The following MGAT4C variants were observed in gnomAD, a reference collection of about 807,000 sequenced individuals.
MGAT4C encodes the protein MGAT4 family member C, also known as alpha-1,3-mannosyl-glycoprotein 4-beta-N-acetylglucosaminyltransferase C.
A neutral mutation model predicts 40.1 loss-of-function variants in MGAT4C; 19 were observed. The observed-to-expected ratio is 0.47, with a 90% CI of 0.33 to 0.70. The LOEUF is 0.70. MGAT4C is among the 30% of genes least tolerant of loss of function. The pLI is 0.02. For synonymous variants in MGAT4C, 181 were observed against 187.1 expected, an observed-to-expected ratio of 0.97 and a Z score of 0.27; for missense variants, 491 against 563.2, an observed-to-expected ratio of 0.87 and a Z score of 1.30.
intron 2 of MGAT4C, among the ~76,000 whole-genome samples, chr12:86,586,455 G>A (rs1415540210): frequency 3.4e-5 from 2 of 58,142 alleles, no homozygotes; most frequent in African/African-American, 9.0e-5. Flanking sequence ...TAGTCCTTTG[G>A]GTATATATCC....
rs1883277735 is a variant in MGAT4C, at chr12:85,964,915, C to T, written c.*14374G>A. The T allele has an allele frequency of 6.6e-6, 1 of 152,062 alleles. No homozygotes were observed. Among genetic ancestry groups the T allele is most frequent in the African/African-American group, 2.4e-5 (1 of 41,410 alleles). The allele number at this position is 152,062 out of a possible 1,614,324, so 9.4% of individuals were successfully genotyped here. On this transcript the variant is annotated 3_prime_UTR_variant, in exon 5 of 5. Coordinates refer to ENST00000611864, the MANE Select transcript of MGAT4C (RefSeq NM_001351288.2). The stretch of plus-strand genomic sequence containing the variant: ...CTCACTTTTATGTAAGATAGTGAGG[C>T]CCCAGAGAGCCCTCGAGAAATGCAA...
At chr12:86,722,015 G>A (rs185446695) in intron 2 of MGAT4C, among the ~76,000 whole-genome samples, 4 of 151,980 alleles carry the variant, frequency 2.6e-5, no homozygotes, top group Admixed American at 1.3e-4. Context: ...CATATGTCAA[G>A]CTCTTACATC....
chr12:86,174,134 C>CAA (rs1214845842), intron 1 of MGAT4C, among the ~76,000 whole-genome samples: 1 of 150,682 alleles, frequency 6.6e-6, no homozygotes, highest in Non-Finnish European at 1.5e-5. Flanking sequence ...TACACACACA[C>CAA]ACACACACAC....
chr12:86,524,605 AT>A (rs1356641052), intron 2 of MGAT4C, among the ~76,000 whole-genome samples: 1 of 152,010 alleles, frequency 6.6e-6, no homozygotes, highest in Non-Finnish European at 1.5e-5. Context: ...GAATTTGAAT[AT>A]TGGTCTCTCT....
intron 2 of MGAT4C, among the ~76,000 whole-genome samples, chr12:86,029,792 T>C (rs1029712073): frequency 1.3e-5 from 2 of 151,850 alleles, no homozygotes; most frequent in Admixed American, 6.6e-5. Flanking sequence ...TTTCTCTTTA[T>C]TCGTTGATGA....
At chr12:86,471,612 A>G (rs986789523) in intron 2 of MGAT4C, among the ~76,000 whole-genome samples, 5 of 152,124 alleles carry the variant, frequency 3.3e-5, no homozygotes, top group African/African-American at 1.2e-4. Context: ...GTACTAGCCC[A>G]TAAGTTCTAG....
intron 1 of MGAT4C, among the ~76,000 whole-genome samples, chr12:86,751,308 G>A (rs894887469): frequency 1.3e-5 from 2 of 151,908 alleles, no homozygotes; most frequent in African/African-American, 4.8e-5. Context: ...AAATTTTCTT[G>A]TACTCTACAT....
intron 1 of MGAT4C, among the ~76,000 whole-genome samples, chr12:86,105,564 C>T (rs1243016484): frequency 2.0e-5 from 3 of 152,058 alleles, no homozygotes; most frequent in Non-Finnish European, 4.4e-5. Context: ...GAGGGAAGAA[C>T]AGAACTGTAA....
chr12:86,002,015 T>G (rs541503779), intron 2 of MGAT4C: 1 of 152,342 alleles, frequency 6.6e-6, no homozygotes, highest in South Asian at 2.1e-4. Context: ...TGCTCCTCCT[T>G]CATCCTTTTA....
rs937559894 is a variant in MGAT4C at position 85,962,792 on chromosome 12, A to G, written c.*16497T>C. On this transcript the variant is annotated 3_prime_UTR_variant, in exon 5 of 5. Coordinates refer to ENST00000611864, the MANE Select transcript of MGAT4C (RefSeq NM_001351288.2). ...ATATAAATGAAATATTTTATCTGTTATAAAGACCTTTATTTTTGTTCCACT... is the reference window on the plus strand; with the variant it reads ...ATATAAATGAAATATTTTATCTGTTGTAAAGACCTTTATTTTTGTTCCACT... The G allele has an allele frequency of 6.6e-6, 1 of 151,500 alleles. No homozygotes were observed. Among genetic ancestry groups the G allele is most frequent in the African/African-American group, 2.4e-5 (1 of 41,432 alleles). The allele number at this position is 151,500 out of a possible 1,614,324, so 9.4% of individuals were successfully genotyped here.
intron 1 of MGAT4C, among the ~76,000 whole-genome samples, chr12:86,813,298 T>A (rs1952511716): frequency 6.6e-6 from 1 of 150,914 alleles, no homozygotes; most frequent in Non-Finnish European, 1.5e-5. Flanking sequence ...TCAAGTCTTG[T>A]TCAAGAATCT....
intron 1 of MGAT4C, among the ~76,000 whole-genome samples, chr12:86,748,522 G>A (rs767472096): frequency 6.6e-6 from 1 of 151,650 alleles, no homozygotes; most frequent in Non-Finnish European, 1.5e-5. Flanking sequence ...TACTACATGA[G>A]GTCAAGAGCC....
At chr12:85,983,759 G>A (rs1480152519) in intron 3 of MGAT4C, 89 bp from the exon 4 acceptor site, 10 of 1,073,362 alleles carry the variant, frequency 9.3e-6, no homozygotes, top group Non-Finnish European at 1.3e-5. Context: ...ATAAATGTAC[G>A]ACTACAATAT....
intron 1 of MGAT4C, among the ~76,000 whole-genome samples, chr12:86,744,469 C>T (rs1593168520): frequency 6.6e-6 from 1 of 151,626 alleles, no homozygotes; most frequent in East Asian, 2.0e-4. Context: ...ATCTCTCCTC[C>T]TTCACTCCAT....
intron 1 of MGAT4C, among the ~76,000 whole-genome samples, chr12:86,115,262 T>C (rs1252667338): frequency 6.6e-6 from 1 of 151,894 alleles, no homozygotes; most frequent in Non-Finnish European, 1.5e-5. Flanking sequence ...TGATATTTTA[T>C]GGATAAAAAA....
chr12:86,702,139 A>C (rs1179663594), intron 2 of MGAT4C, among the ~76,000 whole-genome samples: 2 of 151,954 alleles, frequency 1.3e-5, no homozygotes, highest in African/African-American at 2.4e-5. Flanking sequence ...CTCCCACCTC[A>C]GTCTCTCAGT....
At chr12:86,211,406 CAAAAAAAAAAAA>C (rs58874795) in intron 1 of MGAT4C, among the ~76,000 whole-genome samples, 132 of 35,512 alleles carry the variant, frequency 3.7e-3, no homozygotes, top group African/African-American at 0.014. Context: ...ACTACAAATA[CAAAAAAAAAAAA>C]AAAAAAAAAA....
chr12:86,117,025 T>C (rs935626406), intron 1 of MGAT4C, among the ~76,000 whole-genome samples: 4 of 152,168 alleles, frequency 2.6e-5, no homozygotes, highest in Admixed American at 1.3e-4. Context: ...TTGAGGGTTC[T>C]GAGACGCTAT....
chr12:86,493,071 G>T (rs1182664574), intron 2 of MGAT4C, among the ~76,000 whole-genome samples: 3 of 150,586 alleles, frequency 2.0e-5, no homozygotes, highest in African/African-American at 7.5e-5. Flanking sequence ...GGCCATGAGA[G>T]AAATGCAAAT....
Sources: gnomAD v4.1 joint callset for allele counts (sites outside exome capture counted in the v4.1 genomes callset) on GRCh38, gnomAD v4.1.1 for gene constraint, MANE v1.5 for transcripts, NCBI Gene and HGNC (gene_info 2026-07-23, HGNC 2026-07-21) for gene names.